The following AGT variants were observed in gnomAD, a reference collection of about 807,000 sequenced individuals.
AGT encodes alpha-1 antiproteinase, antitrypsin.
A neutral mutation model predicts 28.1 loss-of-function variants in AGT; 26 were observed. The ratio of observed to expected loss-of-function variants is 0.92; its 90% confidence interval spans 0.68 to 1.28. AGT has a LOEUF of 1.28. Among genes scored for constraint, AGT ranks in the 50% most tolerant of loss-of-function variants. The pLI is 0.00. For missense variants in AGT, 596 were observed against 592.3 expected (o/e 1.01, Z -0.06); for synonymous variants, 259 against 259.6 (o/e 1.00, Z 0.02).
intron 1 of AGT, among the ~76,000 whole-genome samples, chr1:230,720,909 C>G (rs1663831295): frequency 6.6e-6 from 1 of 152,224 alleles, no homozygotes; most frequent in South Asian, 2.1e-4. Flanking sequence ...CACCCTCACC[C>G]TTCAGAGTTC....
intron 1 of AGT, among the ~76,000 whole-genome samples, chr1:230,723,478 C>T (rs966259828): frequency 5.9e-5 from 9 of 152,236 alleles, no homozygotes; most frequent in African/African-American, 2.2e-4. Flanking sequence ...TTGTAATAGG[C>T]TTTGCTTTTT....
At chr1:230,742,932 C>G (rs1664273397) in intron 1 of AGT, among the ~76,000 whole-genome samples, 1 of 152,184 alleles carries the variant, frequency 6.6e-6, no homozygotes, top group Non-Finnish European at 1.5e-5. Context: ...GAGAGGTATT[C>G]ATAAATAGTT....
At chr1:230,715,314 A>G (rs1663707949), upstream of AGT, among the ~76,000 whole-genome samples, 1 of 152,086 alleles carries the variant, frequency 6.6e-6, no homozygotes, top group Non-Finnish European at 1.5e-5. Flanking sequence ...GTTCCTATAG[A>G]TAGGGACTCC....
At chr1:230,704,484 TG>T in intron 3 of AGT, 147 bp from the exon 4 acceptor site, 1 of 1,105,840 alleles carries the variant, frequency 9.0e-7, no homozygotes, top group Non-Finnish European at 1.3e-6. Flanking sequence ...TCCTCCCCCT[TG>T]GGGAAAATTT....
At chr1:230,732,367 C>A (rs749226831) in intron 1 of AGT, among the ~76,000 whole-genome samples, 2 of 151,952 alleles carry the variant, frequency 1.3e-5, no homozygotes, top group Non-Finnish European at 2.9e-5. Context: ...AGTGTCTGGC[C>A]AGAGGTAGGT....
chr1:230,720,117 C>T (rs757003864), intron 1 of AGT, among the ~76,000 whole-genome samples: 2 of 152,190 alleles, frequency 1.3e-5, no homozygotes, highest in East Asian at 1.9e-4. Flanking sequence ...TTCATGTTGC[C>T]TCAGGGGTCC....
At chr1:230,725,759 A>C (rs748159269) in intron 1 of AGT, among the ~76,000 whole-genome samples, 4 of 146,010 alleles carry the variant, frequency 2.7e-5, no homozygotes, top group Non-Finnish European at 6.0e-5. Context: ...TTTCTACTGC[A>C]AAGAGAAGTA....
rs190362655 is a variant in AGT at position 230,733,829 on chromosome 1, T to C, written c.-31+11686A>G. On this transcript the variant is annotated intron_variant, in intron 1 of 4. Transcript: ENST00000681269. ...AGACTGGAGTAGTCTTCATCTCAGC[T>C]GGTCTACCAGTCAGCCACTTCCACG... 2.6e-4 allele frequency among the ~76,000 whole-genome samples: 39 copies of C among 152,260 alleles called. No homozygotes were observed. In the East Asian group the frequency reaches 7.2e-3, roughly 28 times the overall value.
At chr1:230,722,225 C>T (rs940531600) in intron 1 of AGT, among the ~76,000 whole-genome samples, 15 of 152,264 alleles carry the variant, frequency 9.9e-5, no homozygotes, top group African/African-American at 3.4e-4. Flanking sequence ...GGTGTTGGGC[C>T]TGTGGGTGCA....
rs766166368 is a variant in AGT, at chr1:230,703,167, C to T, written c.1405G>A (p.Val469Met). ...CATGCTGTGCTCAGCGGGTTGGCCACGCGGCCCAGGAAGTGCAGGGCAGTG... is the reference window on the plus strand; with the variant it reads ...CATGCTGTGCTCAGCGGGTTGGCCATGCGGCCCAGGAAGTGCAGGGCAGTG... ...SATALHFLGR[V>M]ANPLSTA Residue 469 changes from valine (V) to methionine (M), a missense_variant, in exon 5 of 5, where the codon GTG becomes ATG. Coordinates refer to ENST00000366667, the MANE Select transcript of AGT (RefSeq NM_001384479.1). 35 of 1,613,892 alleles carry T rather than the reference C, an allele frequency of 2.2e-5. No individual in the cohort carries two copies. Among genetic ancestry groups the T allele is most frequent in the Admixed American group, 1.3e-4 (8 of 60,012 alleles).
chr1:230,716,524 G>A (rs1403196929), upstream of AGT, among the ~76,000 whole-genome samples: 1 of 152,184 alleles, frequency 6.6e-6, no homozygotes, highest in African/African-American at 2.4e-5. Context: ...CATGTGTCAT[G>A]GGAGGGACCC....
chr1:230,710,540 G>T lies in AGT; in HGVS notation c.284C>A (p.Ala95Glu). 2.5e-6 allele frequency: 4 copies of T among 1,614,232 alleles called. No individual in the cohort carries two copies. Among genetic ancestry groups the T allele is most frequent in the Non-Finnish European group, 3.4e-6 (4 of 1,180,044 alleles). The change falls in exon 2 of 5, where the codon GCA becomes GAA. Residue 95 changes from alanine to glutamate, a missense_variant. Transcript: ENST00000366667. ...GAAGTTGGCCAGCATCCCGACCATT[G>T]CGGCCCTCAACTTGTCTTCGGTGTC... is the stretch of plus-strand genomic sequence containing the variant. ...KLDTEDKLRAAMVGMLANFLG... is the reference protein window; with the variant it reads ...KLDTEDKLRAEMVGMLANFLG...
At chr1:230,737,308 T>C (rs912241988) in intron 1 of AGT, among the ~76,000 whole-genome samples, 6 of 151,832 alleles carry the variant, frequency 4.0e-5, no homozygotes, top group African/African-American at 1.2e-4. Context: ...AGAAATTGTT[T>C]ATTATTATTA....
Position 230,710,302 on chromosome 1 carries a change from G to A in AGT, c.522C>T (p.Ala174=). 1 of 1,613,980 alleles carries A rather than the reference G, an allele frequency of 6.2e-7. No individual in the cohort carries two copies. The highest frequency in any genetic ancestry group is 8.5e-7 in the Non-Finnish European group (1 of 1,180,014). The change falls in exon 2 of 5, where the codon GCC becomes GCT. Residue 174 remains alanine (A), a synonymous_variant. Coordinates refer to ENST00000366667, the MANE Select transcript of AGT (RefSeq NM_001384479.1). Reference sequence around the variant, plus strand: ...CTAGCAGGCCCTGTACAGCCTGCAGGGCAGACAGGACCTTGTGCGCATCCA... The same window carrying A: ...CTAGCAGGCCCTGTACAGCCTGCAGAGCAGACAGGACCTTGTGCGCATCCA... ...SRLDAHKVLS[A]LQAVQGLLVA...
chr1:230,709,983 G>A lies in AGT; in HGVS notation c.829+12C>T, dbSNP rs1295083024. On this transcript the variant is annotated intron_variant, in intron 2 of 4. Coordinates refer to ENST00000366667, the MANE Select transcript of AGT (RefSeq NM_001384479.1). ...GTCCTAGGGCCAGAGCCAGCAGAGA[G>A]GTTTGCCTTACCTTGGAAGTGGACG... The A allele has an allele frequency of 6.2e-7, 1 of 1,614,164 alleles. No homozygotes were observed. Among genetic ancestry groups the A allele is most frequent in the Non-Finnish European group, 8.5e-7 (1 of 1,180,038 alleles).
chr1:230,731,080 C>T (rs1480756651), intron 1 of AGT, among the ~76,000 whole-genome samples: 2 of 152,204 alleles, frequency 1.3e-5, no homozygotes, highest in Non-Finnish European at 2.9e-5. Flanking sequence ...AACTTTGTAT[C>T]AGGCCACTCC....
chr1:230,739,983 C>G (rs1246770555), intron 1 of AGT, among the ~76,000 whole-genome samples: 1 of 152,148 alleles, frequency 6.6e-6, no homozygotes, highest in Non-Finnish European at 1.5e-5. Flanking sequence ...GGTAGAGCAG[C>G]AGTATGGGCT....
chr1:230,710,370 T>C lies in AGT; in HGVS notation c.454A>G (p.Ile152Val), dbSNP rs750049082. The C allele has an allele frequency of 7.4e-6, 12 of 1,614,148 alleles. No homozygotes were observed. In the East Asian group the frequency reaches 2.7e-4, roughly 36 times the overall value. ...TTGTCCTTCCAAGGAACACCCAGGATTGCCTGTAGCCTGTCAGCTGTGTGG... is the reference window on the plus strand; with the variant it reads ...TTGTCCTTCCAAGGAACACCCAGGACTGCCTGTAGCCTGTCAGCTGTGTGG... ...LDHTADRLQA[I>V]LGVPWKDKNC... Residue 152 changes from isoleucine to valine, a missense_variant, in exon 2 of 5, where the codon ATC becomes GTC. Physicochemically the swap from Ile to Val is conservative, Grantham distance 29. Coordinates refer to ENST00000366667, the MANE Select transcript of AGT (RefSeq NM_001384479.1).
At chr1:230,740,256 A>G (rs1417974907) in intron 1 of AGT, among the ~76,000 whole-genome samples, 2 of 152,154 alleles carry the variant, frequency 1.3e-5, no homozygotes, top group Non-Finnish European at 1.5e-5. Context: ...TTTCATCGCC[A>G]TCTTGGTTTT....
Sources: gnomAD v4.1 joint callset for allele counts (sites outside exome capture counted in the v4.1 genomes callset) on GRCh38, gnomAD v4.1.1 for gene constraint, MANE v1.5 for transcripts, NCBI Gene and HGNC (gene_info 2026-07-23, HGNC 2026-07-21) for gene names.